Variants in CFAP58 observed in about 807,000 individuals in gnomAD.
CFAP58 encodes the protein cilia and flagella associated protein 58.
A neutral mutation model predicts 119.5 loss-of-function variants in CFAP58; 88 were observed. The ratio of observed to expected loss-of-function variants is 0.74; its 90% CI spans 0.62 to 0.88. The LOEUF (loss-of-function observed/expected upper bound fraction) is 0.88. CFAP58 is among the 40% of genes least tolerant of loss of function. The pLI is 0.00. For missense variants in CFAP58, 990 were observed against 1,021.2 expected, an observed-to-expected ratio of 0.97 and a Z score of 0.42; for synonymous variants, 365 against 366.3, an observed-to-expected ratio of 1.00 and a Z score of 0.04.
rs759488257 is a variant in CFAP58 at position 104,392,335 on chromosome 10, C to G, written c.1468C>G (p.Leu490Val). 3 of 1,611,374 alleles carry G rather than the reference C, an allele frequency of 1.9e-6. No individual in the cohort carries two copies. The highest frequency in any genetic ancestry group is 2.5e-6 in the Non-Finnish European group (3 of 1,178,918). ...GATTAAATTAAAACAGCAACAGAAC[C>G]TATATGAAGCTGTGAGATCAGACAG... is the stretch of plus-strand genomic sequence containing the variant. Reference protein sequence around the residue: ...SEIKLKQQQNLYEAVRSDRNL... With the variant: ...SEIKLKQQQNVYEAVRSDRNL... The change falls in exon 10 of 18, where the codon CTA becomes GTA. Residue 490 changes from leucine to valine, a missense_variant. Leu to Val is a conservative substitution (Grantham distance 32, BLOSUM62 1). Coordinates refer to ENST00000369704, the MANE Select transcript of CFAP58 (RefSeq NM_001008723.2).
At chr10:104,346,952 C>T in the CFAP58 span, among the ~76,000 whole-genome samples, 1 of 151,890 alleles carries the variant, frequency 6.6e-6, no homozygotes, top group Non-Finnish European at 1.5e-5. Flanking sequence ...AGCTTTTTAA[C>T]CAATCTGGTC....
Position 104,454,714 on chromosome 10 carries a change from A to G in CFAP58, c.*184A>G, listed in dbSNP as rs1053257753. On this transcript the variant is annotated 3_prime_UTR_variant, in exon 18 of 18. Coordinates refer to ENST00000369704, the MANE Select transcript of CFAP58 (RefSeq NM_001008723.2). ...GGTGTTTTGTCTGGTTCACGTTGAT[A>G]TTAACAGATCATAATTCTCTCTGTT... is the stretch of plus-strand genomic sequence containing the variant. 7.0e-6 allele frequency: 4 copies of G among 574,148 alleles called. No homozygotes were observed. Among genetic ancestry groups the G allele is most frequent in the Non-Finnish European group, 1.2e-5 (4 of 323,084 alleles). The allele number at this position is 574,148 out of a possible 1,614,324, so 35.6% of individuals were successfully genotyped here. A position where few individuals can be genotyped will look rare whatever the true frequency, so the allele number is the denominator to read the frequency against.
intron 1 of CFAP58, among the ~76,000 whole-genome samples, chr10:104,356,376 G>A (rs1025943536): frequency 2.6e-4 from 39 of 152,094 alleles, no homozygotes; most frequent in African/African-American, 8.5e-4. Flanking sequence ...AAATCTTCAG[G>A]GTGAATTGAA....
intron 15 of CFAP58, among the ~76,000 whole-genome samples, chr10:104,428,887 G>A (rs1284177020): frequency 1.3e-5 from 2 of 152,228 alleles, no homozygotes; most frequent in Non-Finnish European, 2.9e-5. Flanking sequence ...CATCTGCCGA[G>A]CAAGTATGTT....
intron 7 of CFAP58, among the ~76,000 whole-genome samples, chr10:104,373,847 G>A (rs1014938054): frequency 6.6e-6 from 1 of 152,144 alleles, no homozygotes; most frequent in Non-Finnish European, 1.5e-5. Flanking sequence ...TAATCAAATT[G>A]TATAGTGATG....
intron 15 of CFAP58, among the ~76,000 whole-genome samples, chr10:104,414,301 C>A (rs1161523195): frequency 6.6e-6 from 1 of 152,126 alleles, no homozygotes; most frequent in Non-Finnish European, 1.5e-5. Context: ...ATCCTTGGCC[C>A]ACAAGTGGAT....
intron 16 of CFAP58, 31 bp from the exon 17 acceptor site, chr10:104,450,040 T>A: frequency 6.3e-7 from 1 of 1,580,484 alleles, no homozygotes; most frequent in Non-Finnish European, 8.6e-7. Flanking sequence ...TATTGTATCT[T>A]TTGTTAATGC....
chr10:104,391,475 A>G (rs766568874), intron 9 of CFAP58, among the ~76,000 whole-genome samples: 1 of 152,148 alleles, frequency 6.6e-6, no homozygotes, highest in Non-Finnish European at 1.5e-5. Context: ...AGATTTCTTC[A>G]TGAAAATTTT....
intron 15 of CFAP58, among the ~76,000 whole-genome samples, chr10:104,423,576 C>A (rs2012695169): frequency 6.7e-6 from 1 of 150,052 alleles, no homozygotes; most frequent in Non-Finnish European, 1.5e-5. Flanking sequence ...ATAACAATAA[C>A]ATGGCCAATA....
At chr10:104,366,718 A>G (rs998021404) in intron 5 of CFAP58, among the ~76,000 whole-genome samples, 5 of 152,208 alleles carry the variant, frequency 3.3e-5, no homozygotes, top group African/African-American at 1.2e-4. Context: ...TTGATGCCAT[A>G]TTAGCACAGA....
chr10:104,353,657 A>C, upstream of CFAP58: 1 of 515,556 alleles, frequency 1.9e-6, no homozygotes, highest in South Asian at 2.7e-5. Flanking sequence ...ATATTTGCAT[A>C]TTTCTCTGAG....
At chr10:104,427,503 A>G (rs1259004194) in intron 15 of CFAP58, among the ~76,000 whole-genome samples, 1 of 152,202 alleles carries the variant, frequency 6.6e-6, no homozygotes, top group Non-Finnish European at 1.5e-5. Context: ...TGTTGATGGA[A>G]GGATCTAACA....
chr10:104,400,002 G>T (rs1224352669), intron 12 of CFAP58, among the ~76,000 whole-genome samples: 1 of 152,134 alleles, frequency 6.6e-6, no homozygotes, highest in Non-Finnish European at 1.5e-5. Context: ...AGAGAAGTTG[G>T]TCAGTGCAAG....
At chr10:104,406,017 T>A (rs1827279831) in intron 14 of CFAP58, among the ~76,000 whole-genome samples, 1 of 151,962 alleles carries the variant, frequency 6.6e-6, no homozygotes, top group Admixed American at 6.6e-5. Context: ...GATTGCTCGA[T>A]CCCCCAGAGT....
intron 15 of CFAP58, among the ~76,000 whole-genome samples, chr10:104,409,264 T>C (rs533173811): frequency 6.6e-5 from 10 of 152,194 alleles, no homozygotes; most frequent in Non-Finnish European, 1.5e-4. Flanking sequence ...TTTATAATAT[T>C]TTAGGATAAT....
At chr10:104,370,863 G>A (rs200940248) in intron 6 of CFAP58, 32 bp from the exon 7 acceptor site, 475 of 1,585,746 alleles carry the variant, frequency 3.0e-4, no homozygotes, top group Non-Finnish European at 3.9e-4. Context: ...CATTTACAAA[G>A]TGACTCATTA....
At chr10:104,353,590 C>T (rs927173104), upstream of CFAP58, 3 of 428,808 alleles carry the variant, frequency 7.0e-6, no homozygotes, top group African/African-American at 4.0e-5. Flanking sequence ...CGTGGGACTC[C>T]TCCCAGCCTC....
chr10:104,371,434 T>A lies in CFAP58; in HGVS notation c.1090+380T>A, dbSNP rs539872119. On this transcript the variant is annotated intron_variant, in intron 7 of 17. Coordinates refer to ENST00000369704, the MANE Select transcript of CFAP58 (RefSeq NM_001008723.2). Reference sequence around the variant, plus strand: ...GAATGAATGTCCTTCATTAGCAGTATCTGGGACAATATTGCACTAAGAATC... The same window carrying A: ...GAATGAATGTCCTTCATTAGCAGTAACTGGGACAATATTGCACTAAGAATC... Among the ~76,000 whole-genome samples, 6 of 152,348 alleles carry A rather than the reference T, an allele frequency of 3.9e-5. No individual in the cohort carries two copies. The South Asian group carries it at 1.0e-3, about 26-fold the overall frequency.
chr10:104,451,956 C>G (rs1188810131), intron 17 of CFAP58, among the ~76,000 whole-genome samples: 1 of 149,922 alleles, frequency 6.7e-6, no homozygotes, highest in South Asian at 2.1e-4. Flanking sequence ...CCAGGCTGGT[C>G]TCGAATTCCT....
Sources: gnomAD v4.1 joint callset for allele counts (sites outside exome capture counted in the v4.1 genomes callset) on GRCh38, gnomAD v4.1.1 for gene constraint, MANE v1.5 for transcripts, NCBI Gene and HGNC (gene_info 2026-07-23, HGNC 2026-07-21) for gene names.